RNF138: variants seen among roughly 807,000 people sequenced by gnomAD.
RNF138 encodes ring finger protein 138, also known as E3 ubiquitin-protein ligase RNF138.
A neutral mutation model predicts 31.0 loss-of-function variants in RNF138; 12 were observed. That is an observed-to-expected ratio of 0.39 (90% CI 0.25 to 0.63). RNF138 has a LOEUF of 0.63. Ranked by LOEUF, RNF138 falls within the 20% of genes least tolerant of loss-of-function variation. The probability of loss-of-function intolerance (pLI) is 0.52; values close to 1 mark genes in which losing one functional copy is unlikely to be tolerated. For missense variants in RNF138, 192 were observed against 300.1 expected (o/e 0.64, Z 2.66); for synonymous variants, 105 against 99.5 (o/e 1.06, Z -0.33).
intron 2 of RNF138, among the ~76,000 whole-genome samples, chr18:32,110,807 G>A (rs2040114827): frequency 6.6e-6 from 1 of 151,338 alleles, no homozygotes; most frequent in East Asian, 1.9e-4. Flanking sequence ...TTGAGACGGA[G>A]TCTTGCTCTG....
chr18:32,096,495 G>A (rs1475245762), intron 2 of RNF138, among the ~76,000 whole-genome samples: 1 of 152,158 alleles, frequency 6.6e-6, no homozygotes, highest in Non-Finnish European at 1.5e-5. Context: ...TGGTCACCGA[G>A]TGAGGTATAT....
rs556801623 is a variant in RNF138 at position 32,119,804 on chromosome 18, T to C, written c.393-3714T>C. 2.6e-5 allele frequency among the ~76,000 whole-genome samples: 4 copies of C among 152,350 alleles called. No individual in the cohort carries two copies. The South Asian group carries it at 8.3e-4, about 32-fold the overall frequency. On this transcript the variant is annotated intron_variant, in intron 4 of 7. Transcript: ENST00000261593. ...TTTTATATCTTTTTCTAGTAAAACC[T>C]TATAGTTTTTGTTGCTATAAAAATG...
rs964995735 is a variant in RNF138, at chr18:32,130,354, AAT to A, written c.*1168_*1169del. 6.6e-6 allele frequency: 1 copy of A among 152,386 alleles called. No individual in the cohort carries two copies. The highest frequency in any genetic ancestry group is 1.5e-5 in the Non-Finnish European group (1 of 67,856). The allele number at this position is 152,386 out of a possible 1,614,324, so 9.4% of individuals were successfully genotyped here. ...GTGCTCATTTGTTATTCTCAAATAT[AAT>A]GTGTGACCGTGATATAGTGAGAAAG... On this transcript the variant is annotated 3_prime_UTR_variant, in exon 8 of 8. Coordinates refer to ENST00000261593, the MANE Select transcript of RNF138 (RefSeq NM_016271.5).
chr18:32,125,784 A>G (rs911135280), intron 6 of RNF138, among the ~76,000 whole-genome samples: 2 of 151,926 alleles, frequency 1.3e-5, no homozygotes, highest in African/African-American at 4.8e-5. Context: ...TAAAGAAAAT[A>G]AAAAGAATAT....
intron 4 of RNF138, among the ~76,000 whole-genome samples, chr18:32,116,977 C>CT (rs1239410358): frequency 1.3e-5 from 2 of 152,208 alleles, no homozygotes; most frequent in Non-Finnish European, 2.9e-5. Flanking sequence ...TCTCAGCTCA[C>CT]TACAACATCG....
At chr18:32,119,966 A>G (rs1250565779) in intron 4 of RNF138, among the ~76,000 whole-genome samples, 1 of 152,014 alleles carries the variant, frequency 6.6e-6, no homozygotes, top group Non-Finnish European at 1.5e-5. Context: ...CTTATAATCT[A>G]CCTGTTGATT....
chr18:32,108,890 C>T (rs1173128848), intron 2 of RNF138, among the ~76,000 whole-genome samples: 2 of 151,934 alleles, frequency 1.3e-5, no homozygotes, highest in Non-Finnish European at 2.9e-5. Flanking sequence ...CTATGTTGTC[C>T]AGGCTGGCCT....
intron 4 of RNF138, among the ~76,000 whole-genome samples, chr18:32,119,807 T>C (rs958632677): frequency 3.9e-5 from 6 of 152,322 alleles, no homozygotes; most frequent in Admixed American, 3.3e-4. Context: ...TAAAACCTTA[T>C]AGTTTTTGTT....
At chr18:32,120,372 TG>T (rs1568238434) in intron 4 of RNF138, among the ~76,000 whole-genome samples, 98 of 152,306 alleles carry the variant, frequency 6.4e-4, no homozygotes, top group African/African-American at 2.4e-3. Flanking sequence ...TAAAAAGCAT[TG>T]TGCTTACTAT....
chr18:32,115,755 A>G (rs1349788966), intron 4 of RNF138, among the ~76,000 whole-genome samples: 4 of 151,936 alleles, frequency 2.6e-5, no homozygotes, highest in African/African-American at 7.3e-5. Flanking sequence ...AAACACACAC[A>G]CACGCACACA....
At chr18:32,128,554 A>G (rs1419758944) in intron 7 of RNF138, among the ~76,000 whole-genome samples, 2 of 152,236 alleles carry the variant, frequency 1.3e-5, no homozygotes, top group Non-Finnish European at 2.9e-5. Flanking sequence ...TTTCTTACTC[A>G]ACTCATAATT....
intron 2 of RNF138, among the ~76,000 whole-genome samples, chr18:32,107,916 G>T (rs1456570350): frequency 6.6e-6 from 1 of 151,148 alleles, no homozygotes; most frequent in African/African-American, 2.4e-5. Context: ...AGATTGGGGC[G>T]CGATCTCGGC....
At chr18:32,115,246 C>G (rs1457068860) in intron 4 of RNF138, among the ~76,000 whole-genome samples, 2 of 152,066 alleles carry the variant, frequency 1.3e-5, no homozygotes, top group Non-Finnish European at 2.9e-5. Flanking sequence ...CCTTCCTCCC[C>G]CTTATTTCTT....
intron 2 of RNF138, among the ~76,000 whole-genome samples, chr18:32,108,646 T>C (rs2040075693): frequency 6.6e-6 from 1 of 152,080 alleles, no homozygotes; most frequent in Non-Finnish European, 1.5e-5. Flanking sequence ...GCAAATTTTT[T>C]CTGATTATAT....
intron 6 of RNF138, among the ~76,000 whole-genome samples, chr18:32,126,155 G>A (rs1405840268): frequency 3.3e-5 from 5 of 152,158 alleles, no homozygotes; most frequent in Non-Finnish European, 7.3e-5. Context: ...AGCACTTTGG[G>A]AGGCCAAGGC....
chr18:32,113,597 T>C, intron 3 of RNF138, 148 bp from the exon 4 acceptor site: 2 of 491,888 alleles, frequency 4.1e-6, no homozygotes, highest in Non-Finnish European at 7.1e-6. Flanking sequence ...TCTTAACTCC[T>C]ACTTAAGGAT....
intron 7 of RNF138, among the ~76,000 whole-genome samples, chr18:32,127,782 G>C (rs949117659): frequency 1.3e-5 from 2 of 152,174 alleles, no homozygotes; most frequent in African/African-American, 4.8e-5. Context: ...TCTTGCCATA[G>C]AAAAGTAGGT....
chr18:32,094,988 TG>T (rs2039779201), intron 2 of RNF138, among the ~76,000 whole-genome samples: 1 of 152,196 alleles, frequency 6.6e-6, no homozygotes, highest in Non-Finnish European at 1.5e-5. Flanking sequence ...TGGAGATGAT[TG>T]TTTTTAATTC....
rs199886842 is a variant in RNF138 at position 32,130,916 on chromosome 18, T to C, written c.*1729T>C. On this transcript the variant is annotated 3_prime_UTR_variant, in exon 8 of 8. Coordinates refer to ENST00000261593, the MANE Select transcript of RNF138 (RefSeq NM_016271.5). ...TGTAATTTAAAAAACAGCTCCTTTT[T>C]AAGACTTTTGACCATAGTGTTTTCC... 1.2e-5 allele frequency: 1 copy of C among 82,990 alleles called. No individual in the cohort carries two copies. Among genetic ancestry groups the C allele is most frequent in the Middle Eastern group, 5.4e-3 (1 of 186 alleles). The allele number at this position is 82,990 out of a possible 1,614,324, so 5.1% of individuals were successfully genotyped here. A position where few individuals can be genotyped will look rare whatever the true frequency, so the allele number is the denominator to read the frequency against.
Sources: gnomAD v4.1 joint callset for allele counts (sites outside exome capture counted in the v4.1 genomes callset) on GRCh38, gnomAD v4.1.1 for gene constraint, MANE v1.5 for transcripts, NCBI Gene and HGNC (gene_info 2026-07-23, HGNC 2026-07-21) for gene names.